Variants in UGCG observed in about 807,000 individuals in gnomAD.
UGCG encodes UDP-glucose ceramide glucosyltransferase, also known as ceramide glucosyltransferase.
UGCG carries 10 observed loss-of-function variants against 49.5 expected under a neutral mutation model. The observed-to-expected ratio is 0.20, with a 90% CI of 0.12 to 0.34. UGCG has a LOEUF of 0.34. UGCG is among the 10% of genes least tolerant of loss of function. The pLI, the probability that UGCG is intolerant of heterozygous loss-of-function variation, is 1.00. For missense variants in UGCG, 312 were observed against 483.7 expected (o/e 0.65, Z 3.33); for synonymous variants, 182 against 158.2 (o/e 1.15, Z -1.13).
intron 1 of UGCG, among the ~76,000 whole-genome samples, chr9:111,907,822 T>C (rs543461267): frequency 6.6e-6 from 1 of 152,184 alleles, no homozygotes; most frequent in African/African-American, 2.4e-5. Flanking sequence ...AGAGATAGGG[T>C]TTCACCATGT....
chr9:111,911,921 T>C (rs1459735010), intron 1 of UGCG, among the ~76,000 whole-genome samples: 2 of 18,352 alleles, frequency 1.1e-4, no homozygotes, highest in African/African-American at 5.0e-4. Flanking sequence ...TATATATATA[T>C]ATATATATAT....
chr9:111,919,456 C>G (rs1838176370), intron 2 of UGCG, among the ~76,000 whole-genome samples: 1 of 151,658 alleles, frequency 6.6e-6, no homozygotes, highest in African/African-American at 2.4e-5. Flanking sequence ...GCACTCCAGC[C>G]TGGGTGACAG....
Position 111,922,893 on chromosome 9 carries a change from T to A in UGCG, c.285T>A (p.Ile95=). 1 of 1,613,222 alleles carries A rather than the reference T, an allele frequency of 6.2e-7. No individual in the cohort carries two copies. Residue 95 remains isoleucine (I), a synonymous_variant, in exon 3 of 9, where the codon ATT becomes ATA. Coordinates refer to ENST00000374279, the MANE Select transcript of UGCG (RefSeq NM_003358.3). ...LCVQDHDDPA[I]DVCKKLLGKY... is the part of the protein sequence containing the mutation. The stretch of plus-strand genomic sequence containing the variant: ...TACAAGATCATGATGATCCAGCCAT[T>A]GATGTATGTAAGAAGCTTCTTGGAA...
chr9:111,914,716 G>A lies in UGCG; in HGVS notation c.210G>A (p.Leu70=). 6.2e-7 allele frequency: 1 copy of A among 1,613,904 alleles called. No individual in the cohort carries two copies. The highest frequency in any genetic ancestry group is 8.5e-7 in the Non-Finnish European group (1 of 1,179,946). The change falls in exon 2 of 9, where the codon CTG becomes CTA. Residue 70 remains leucine (L), a synonymous_variant. Coordinates refer to ENST00000374279, the MANE Select transcript of UGCG (RefSeq NM_003358.3). Reference sequence around the variant, plus strand: ...TAGATCCTAACTTAATCAACAACCTGGAAACATTCTTTGAATTGGATTATC... The same window carrying A: ...TAGATCCTAACTTAATCAACAACCTAGAAACATTCTTTGAATTGGATTATC... The part of the protein sequence containing the change: ...KGVDPNLINN[L]ETFFELDYPK...
In UGCG at chr9:111,934,216, A is replaced by G. The variant is rs1455123126; in HGVS notation, c.*1219A>G. On this transcript the variant is annotated 3_prime_UTR_variant, in exon 9 of 9. Transcript: ENST00000374279. The stretch of plus-strand genomic sequence containing the variant: ...ATTGGATTTTTGTATTCAAGTTTAT[A>G]TGACAAAATAGACTAGATCAGCGCT... 6.6e-6 allele frequency: 1 copy of G among 151,056 alleles called. No individual in the cohort carries two copies. The highest frequency in any genetic ancestry group is 1.5e-5 in the Non-Finnish European group (1 of 67,872). The allele number at this position is 151,056 out of a possible 1,614,324, so 9.4% of individuals were successfully genotyped here. A position where few individuals can be genotyped will look rare whatever the true frequency, so the allele number is the denominator to read the frequency against.
intron 6 of UGCG, 96 bp downstream of exon 6, chr9:111,929,774 A>G (rs1002866837): frequency 3.5e-6 from 5 of 1,441,070 alleles, no homozygotes; most frequent in Non-Finnish European, 4.7e-6. Context: ...TTTTAATTTA[A>G]TTTTATTTTT....
At chr9:111,931,412 T>A in intron 7 of UGCG, 55 bp downstream of exon 7, 1 of 1,551,250 alleles carries the variant, frequency 6.4e-7, no homozygotes, top group Non-Finnish European at 8.8e-7. Context: ...GGGAGGGGGG[T>A]GGTAATTTTT....
chr9:111,930,750 G>A (rs1838411792), intron 6 of UGCG, among the ~76,000 whole-genome samples: 2 of 152,220 alleles, frequency 1.3e-5, no homozygotes, highest in Non-Finnish European at 2.9e-5. Context: ...TTACAGGCAT[G>A]AGCCACTGCA....
chr9:111,928,329 C>T (rs1838361999), intron 5 of UGCG, among the ~76,000 whole-genome samples: 1 of 152,118 alleles, frequency 6.6e-6, no homozygotes, highest in African/African-American at 2.4e-5. Context: ...ACAATGTGTT[C>T]TAGTATACCA....
chr9:111,922,803 T>C, intron 2 of UGCG, 46 bp from the exon 3 acceptor site: 1 of 1,440,006 alleles, frequency 6.9e-7, no homozygotes, highest in Non-Finnish European at 9.6e-7. Flanking sequence ...TAGTAAGTGC[T>C]TATTTTTTTA....
At chr9:111,914,403 A>G (rs972339555) in intron 1 of UGCG, among the ~76,000 whole-genome samples, 2 of 152,194 alleles carry the variant, frequency 1.3e-5, no homozygotes, top group African/African-American at 4.8e-5. Flanking sequence ...GTTTTAAGAA[A>G]GTTTATGAAT....
At position 111,922,808 on chromosome 9, in the gene UGCG, T is replaced by C. The variant is rs1169600222; in HGVS notation, c.241-41T>C. The C allele has an allele frequency of 2.0e-6, 3 of 1,491,384 alleles. No individual in the cohort carries two copies. The South Asian group carries it at 3.7e-5, about 18-fold the overall frequency. 92.4% of individuals were successfully genotyped at this position (1,491,384 alleles called of 1,614,324 possible). Reference sequence around the variant, plus strand: ...CAATACATGCTAGTAAGTGCTTATTTTTTTAAAGAATTTAATTTACATACA... The same window carrying C: ...CAATACATGCTAGTAAGTGCTTATTCTTTTAAAGAATTTAATTTACATACA... On this transcript the variant is annotated intron_variant, in intron 2 of 8. Coordinates refer to ENST00000374279, the MANE Select transcript of UGCG (RefSeq NM_003358.3).
At chr9:111,898,224 T>G (rs556141276) in intron 1 of UGCG, among the ~76,000 whole-genome samples, 1 of 152,182 alleles carries the variant, frequency 6.6e-6, no homozygotes, top group African/African-American at 2.4e-5. Context: ...AATCTGCCTC[T>G]GTAAAGAAAT....
intron 1 of UGCG, among the ~76,000 whole-genome samples, chr9:111,900,693 C>T (rs1837752151): frequency 6.6e-6 from 1 of 152,160 alleles, no homozygotes; most frequent in African/African-American, 2.4e-5. Context: ...AGGGTTCTGC[C>T]ATGTTTCCCA....
chr9:111,907,291 C>T (rs185482711), intron 1 of UGCG, among the ~76,000 whole-genome samples: 1 of 152,268 alleles, frequency 6.6e-6, no homozygotes, highest in Admixed American at 6.5e-5. Flanking sequence ...TGAGAGGTGG[C>T]GTGTGCACAT....
intron 6 of UGCG, among the ~76,000 whole-genome samples, chr9:111,929,975 T>G (rs924866615): frequency 2.6e-5 from 4 of 152,034 alleles, no homozygotes; most frequent in African/African-American, 9.7e-5. Flanking sequence ...TGTACCACCA[T>G]GCACACTAAT....
At chr9:111,916,253 G>A (rs1173272121) in intron 2 of UGCG, among the ~76,000 whole-genome samples, 2 of 152,136 alleles carry the variant, frequency 1.3e-5, no homozygotes, top group Admixed American at 6.5e-5. Flanking sequence ...GATTATGAAT[G>A]AATCTTAGAG....
chr9:111,929,939 C>T (rs1838393032), intron 6 of UGCG, among the ~76,000 whole-genome samples: 1 of 152,116 alleles, frequency 6.6e-6, no homozygotes, highest in Admixed American at 6.5e-5. Flanking sequence ...ATGCCTCAGC[C>T]ACCAGAGCAC....
intron 2 of UGCG, 54 bp downstream of exon 2, chr9:111,914,800 A>G (rs963537425): frequency 2.1e-5 from 34 of 1,602,350 alleles, no homozygotes; most frequent in Non-Finnish European, 2.7e-5. Flanking sequence ...TGTTCCCCTC[A>G]TGATAAACAT....
Sources: gnomAD v4.1 joint callset for allele counts (sites outside exome capture counted in the v4.1 genomes callset) on GRCh38, gnomAD v4.1.1 for gene constraint, MANE v1.5 for transcripts, NCBI Gene and HGNC (gene_info 2026-07-23, HGNC 2026-07-21) for gene names.